Variants in TMEM131 observed in about 807,000 individuals in gnomAD.
TMEM131 encodes transmembrane protein 131.
TMEM131 carries 66 observed loss-of-function variants against 211.6 expected under a neutral mutation model. That is an observed-to-expected ratio of 0.31 (90% confidence interval 0.26 to 0.38). The LOEUF (loss-of-function observed/expected upper bound fraction) is 0.38. Ranked by LOEUF, TMEM131 falls within the 10% of genes least tolerant of loss-of-function variation. The probability of loss-of-function intolerance (pLI) is 1.00; values close to 1 mark genes in which losing one functional copy is unlikely to be tolerated. For synonymous variants in TMEM131, 844 were observed against 841.3 expected (o/e 1.00, Z -0.06); for missense variants, 2,036 against 2,299.3 (o/e 0.89, Z 2.34).
At chr2:97,930,991 A>G (rs1258756579) in intron 1 of TMEM131, among the ~76,000 whole-genome samples, 2 of 151,968 alleles carry the variant, frequency 1.3e-5, no homozygotes, top group East Asian at 3.8e-4. Context: ...AGATATACTT[A>G]GCAAGAAAGT....
At chr2:97,873,486 T>G (rs1490926304) in intron 4 of TMEM131, among the ~76,000 whole-genome samples, 5 of 152,210 alleles carry the variant, frequency 3.3e-5, no homozygotes, top group African/African-American at 1.2e-4. Context: ...AACAGACACC[T>G]CATACAGGAG....
intron 1 of TMEM131, among the ~76,000 whole-genome samples, chr2:97,989,277 CA>C (rs768850056): frequency 0.016 from 1,644 of 103,740 alleles, 13 homozygotes; most frequent in Middle Eastern, 0.036. Flanking sequence ...AAAAACAAAA[CA>C]AAAAAAAAAA....
intron 12 of TMEM131, among the ~76,000 whole-genome samples, 194 bp downstream of exon 12, chr2:97,818,419 T>C (rs1241517741): frequency 7.7e-6 from 1 of 130,050 alleles, no homozygotes; most frequent in Non-Finnish European, 1.6e-5. Context: ...TTGTGGTATT[T>C]TCTCTCATGA....
At chr2:97,812,616 T>G (rs771355801) in intron 16 of TMEM131, 23 bp downstream of exon 16, 1 of 1,582,058 alleles carries the variant, frequency 6.3e-7, no homozygotes, top group South Asian at 1.2e-5. Flanking sequence ...TAAATGTGAT[T>G]TAGAATAAAA....
At chr2:97,866,685 TTTTG>T (rs1674285281) in intron 4 of TMEM131, among the ~76,000 whole-genome samples, 3 of 152,330 alleles carry the variant, frequency 2.0e-5, no homozygotes, top group African/African-American at 2.4e-5. Flanking sequence ...TTTTGATATG[TTTTG>T]TTTTTGTTCA....
chr2:97,775,798 CCT>C (rs1273540613), intron 32 of TMEM131, 43 bp downstream of exon 32: 2 of 1,571,872 alleles, frequency 1.3e-6, no homozygotes, highest in Non-Finnish European at 8.6e-7. Context: ...CTGCAGGAGA[CCT>C]CTCTTTCTCC....
intron 1 of TMEM131, among the ~76,000 whole-genome samples, chr2:97,988,217 C>T (rs1680112356): frequency 6.6e-6 from 1 of 152,130 alleles, no homozygotes; most frequent in Non-Finnish European, 1.5e-5. Context: ...GAAAGGACAG[C>T]CTCTTCAACA....
intron 22 of TMEM131, among the ~76,000 whole-genome samples, chr2:97,803,556 C>A (rs143194516): frequency 1.6e-4 from 24 of 152,224 alleles, no homozygotes; most frequent in African/African-American, 5.8e-4. Context: ...ATATTTTAAC[C>A]CCTAACTCTA....
chr2:97,935,842 T>A (rs2104470777), intron 1 of TMEM131, among the ~76,000 whole-genome samples: 2 of 152,346 alleles, frequency 1.3e-5, no homozygotes, highest in African/African-American at 4.8e-5. Context: ...AATACATTTT[T>A]AAAAAGCTGA....
chr2:97,777,216 G>T (rs920963681), intron 31 of TMEM131, among the ~76,000 whole-genome samples: 1 of 152,230 alleles, frequency 6.6e-6, no homozygotes, highest in African/African-American at 2.4e-5. Context: ...GCAGGCAGGT[G>T]CAAGCTGCAG....
chr2:97,914,575 T>C (rs1676431235), intron 2 of TMEM131, among the ~76,000 whole-genome samples: 1 of 152,180 alleles, frequency 6.6e-6, no homozygotes, highest in South Asian at 2.1e-4. Flanking sequence ...ATTCCTCTAT[T>C]ATTCATGACT....
At chr2:97,901,248 G>A (rs1488088905) in intron 3 of TMEM131, among the ~76,000 whole-genome samples, 3 of 152,136 alleles carry the variant, frequency 2.0e-5, no homozygotes, top group African/African-American at 7.2e-5. Context: ...GGATATTTTT[G>A]TTGCTTATGC....
At chr2:97,922,154 C>G (rs563375200) in intron 2 of TMEM131, among the ~76,000 whole-genome samples, 2 of 152,128 alleles carry the variant, frequency 1.3e-5, no homozygotes, top group African/African-American at 4.8e-5. Flanking sequence ...TCCTAAGGCA[C>G]GCGCACAACC....
chr2:97,859,397 G>A lies in TMEM131; in HGVS notation c.390C>T (p.Val130=), dbSNP rs1270626990. The part of the protein sequence containing the change: ...QPVGMPKMEK[V]YLHNPSSEET... ...CTTCAGAACTAGGATTATGTAAGTA[G>A]ACTTTTTCCATTTTTGGCATTCCAA... Residue 130 remains valine, a synonymous_variant, in exon 5 of 41, where the codon GTC becomes GTT. Coordinates refer to ENST00000186436, the MANE Select transcript of TMEM131 (RefSeq NM_015348.2). 1.3e-6 allele frequency: 2 copies of A among 1,589,566 alleles called. No individual in the cohort carries two copies. Among genetic ancestry groups the A allele is most frequent in the Non-Finnish European group, 1.7e-6 (2 of 1,172,168 alleles).
chr2:97,954,537 G>T (rs908703938), intron 1 of TMEM131, among the ~76,000 whole-genome samples: 9 of 152,192 alleles, frequency 5.9e-5, no homozygotes, highest in Non-Finnish European at 1.3e-4. Context: ...GGGCGCAGTG[G>T]CTCACGCCTG....
intron 1 of TMEM131, among the ~76,000 whole-genome samples, chr2:97,954,289 A>T (rs867042991): frequency 2.0e-5 from 3 of 152,256 alleles, no homozygotes; most frequent in Admixed American, 6.5e-5. Context: ...AAAAAGGTGA[A>T]GACACAAAGC....
At chr2:97,943,430 T>A (rs529644026) in intron 1 of TMEM131, among the ~76,000 whole-genome samples, 2 of 152,232 alleles carry the variant, frequency 1.3e-5, no homozygotes, top group Admixed American at 6.5e-5. Flanking sequence ...GCAAATCATA[T>A]CTAGAAACAT....
intron 1 of TMEM131, among the ~76,000 whole-genome samples, chr2:97,940,599 G>A (rs1448207497): frequency 6.6e-6 from 1 of 152,076 alleles, no homozygotes; most frequent in East Asian, 1.9e-4. Flanking sequence ...ACGAGGTCAG[G>A]AGATCGAGAC....
chr2:97,852,789 A>C (rs760981987), intron 5 of TMEM131, among the ~76,000 whole-genome samples: 6 of 152,222 alleles, frequency 3.9e-5, no homozygotes, highest in Non-Finnish European at 4.4e-5. Flanking sequence ...GCCTGGCTTC[A>C]AAGCTTCAAA....
Sources: allele counts gnomAD v4.1 joint callset (sites outside exome capture counted in the v4.1 genomes callset), GRCh38; gene constraint gnomAD v4.1.1; transcripts MANE v1.5; gene names NCBI Gene and HGNC (gene_info 2026-07-23, HGNC 2026-07-21).